SLC5A11: variants seen among roughly 807,000 people sequenced by gnomAD.
The protein encoded by SLC5A11 is sodium/myo-inositol cotransporter 2.
Under a neutral mutation model 69.8 loss-of-function variants are expected in SLC5A11, and 48 were observed. The ratio of observed to expected loss-of-function variants is 0.69; its 90% CI spans 0.55 to 0.87. The LOEUF (loss-of-function observed/expected upper bound fraction) is 0.87, where lower values mean the gene tolerates loss of function less well. Among genes scored for constraint, SLC5A11 ranks in the 40% least tolerant of loss-of-function variants. The probability of loss-of-function intolerance (pLI) is 0.00; values close to 1 mark genes in which losing one functional copy is unlikely to be tolerated. For missense variants in SLC5A11, 784 were observed against 866.1 expected, an observed-to-expected ratio of 0.91 and a Z score of 1.19; for synonymous variants, 319 against 342.4, an observed-to-expected ratio of 0.93 and a Z score of 0.75.
intron 12 of SLC5A11, 142 bp from the exon 14 acceptor site, chr16:24,907,821 G>C (rs2050183947): frequency 5.9e-6 from 6 of 1,016,822 alleles, no homozygotes; most frequent in Non-Finnish European, 8.6e-6. Flanking sequence ...AGGAGTTGGA[G>C]GCTGCAGTGA....
At chr16:24,866,388 C>T (rs527944089) in intron 3 of SLC5A11, among the ~76,000 whole-genome samples, 2 of 151,838 alleles carry the variant, frequency 1.3e-5, no homozygotes, top group African/African-American at 4.8e-5. Flanking sequence ...CACTTGAACT[C>T]AGGAGTTCAA....
intron 10 of SLC5A11, among the ~76,000 whole-genome samples, chr16:24,905,640 G>GCGCGCGCACACA (rs1443035551): frequency 3.8e-4 from 52 of 136,782 alleles, no homozygotes; most frequent in Middle Eastern, 3.5e-3. Flanking sequence ...GCGCGCGCGC[G>GCGCGCGCACACA]CACACACACA....
chr16:24,854,427 AAAGTT>A lies in SLC5A11; in HGVS notation c.-24-4192_-24-4188del, dbSNP rs770736368. Among the ~76,000 whole-genome samples, 113 of 148,728 alleles carry A rather than the reference AAAGTT, an allele frequency of 7.6e-4. 1 individual carries two copies. Among genetic ancestry groups the A allele is most frequent in the African/African-American group, 2.5e-3 (97 of 38,352 alleles). On this transcript the variant is annotated intron_variant, in intron 1 of 15. Transcript: ENST00000347898. ...AGAGCCATCACTCCCCCTGTAAAGT[AAAGTT>A]TTTTTTTTTTTTCCGGAGACAGAGT... is the stretch of plus-strand genomic sequence containing the variant.
At chr16:24,863,919 G>C (rs558325181) in intron 3 of SLC5A11, among the ~76,000 whole-genome samples, 15 of 152,266 alleles carry the variant, frequency 9.9e-5, no homozygotes, top group Admixed American at 9.8e-4. Context: ...CCCGTCACCT[G>C]TTCCCTGGAA....
At chr16:24,899,162 G>C (rs1330387249) in intron 10 of SLC5A11, among the ~76,000 whole-genome samples, 1 of 152,130 alleles carries the variant, frequency 6.6e-6, no homozygotes, top group African/African-American at 2.4e-5. Flanking sequence ...CTCTGTCTAG[G>C]CATCTAGTGA....
chr16:24,849,587 AAAAAAAATATATATAT>A (rs1326097954), intron 1 of SLC5A11, among the ~76,000 whole-genome samples: 1 of 81,876 alleles, frequency 1.2e-5, no homozygotes, highest in Non-Finnish European at 2.7e-5. Flanking sequence ...AAAAAAAAAA[AAAAAAAATATATATAT>A]ATATATATAT....
chr16:24,889,967 T>A (rs539618861), intron 8 of SLC5A11, among the ~76,000 whole-genome samples: 19 of 152,214 alleles, frequency 1.2e-4, no homozygotes, highest in African/African-American at 4.3e-4. Flanking sequence ...TTAGAAGTAT[T>A]CTTCTGAGAA....
intron 11 of SLC5A11, 47 bp downstream of exon 12, chr16:24,906,811 A>C: frequency 1.3e-6 from 2 of 1,536,756 alleles, no homozygotes; most frequent in Non-Finnish European, 1.8e-6. Context: ...GCACCCAGAA[A>C]GGAGATCACC....
intron 5 of SLC5A11, among the ~76,000 whole-genome samples, chr16:24,873,350 G>T (rs1042537971): frequency 6.6e-6 from 1 of 151,990 alleles, no homozygotes; most frequent in African/African-American, 2.4e-5. Flanking sequence ...CACAATGCTG[G>T]CTGGGCACAG....
intron 15 of SLC5A11, 94 bp downstream of exon 16, chr16:24,910,571 G>A (rs2050446204): frequency 3.6e-6 from 5 of 1,377,086 alleles, no homozygotes; most frequent in Non-Finnish European, 4.9e-6. Flanking sequence ...AGCCAGGAAA[G>A]TGGGCAGACT....
chr16:24,872,298 C>T (rs74891299), intron 5 of SLC5A11, 79 bp downstream of exon 6: 26,700 of 1,500,046 alleles, frequency 0.018, 293 homozygotes, highest in Middle Eastern at 0.048. Flanking sequence ...TCCCTCATCC[C>T]GCCATCCCTC....
intron 2 of SLC5A11, among the ~76,000 whole-genome samples, chr16:24,861,299 G>C (rs895984664): frequency 3.3e-5 from 5 of 151,970 alleles, no homozygotes; most frequent in Non-Finnish European, 7.4e-5. Context: ...TGGCAACATA[G>C]TAAGATACCA....
At chr16:24,883,186 A>T (rs887376284) in intron 7 of SLC5A11, among the ~76,000 whole-genome samples, 7 of 152,094 alleles carry the variant, frequency 4.6e-5, no homozygotes, top group Non-Finnish European at 2.9e-5. Flanking sequence ...GCAACATAGC[A>T]AGACTCCATC....
chr16:24,893,933 C>T (rs1399510547), intron 9 of SLC5A11, among the ~76,000 whole-genome samples: 1 of 152,188 alleles, frequency 6.6e-6, no homozygotes, highest in Non-Finnish European at 1.5e-5. Context: ...ATCCTACTCT[C>T]ATCTATTTCT....
chr16:24,861,569 GAGAGAAAGAA>G (rs887065539), intron 2 of SLC5A11, among the ~76,000 whole-genome samples: 5 of 144,874 alleles, frequency 3.5e-5, no homozygotes, highest in African/African-American at 7.6e-5. Context: ...GAAAGAAAGA[GAGAGAAAGAA>G]AGAGAAAGAG....
chr16:24,873,247 G>GAGGAAGGAAGGAGGGA (rs2047436729), intron 5 of SLC5A11, among the ~76,000 whole-genome samples: 1 of 101,412 alleles, frequency 9.9e-6, no homozygotes, highest in Non-Finnish European at 2.0e-5. Flanking sequence ...GAGAGGGAGG[G>GAGGAAGGAAGGAGGGA]AGGAAGGAAG....
Position 24,869,314 on chromosome 16 carries a change from C to T in SLC5A11, c.208-587C>T, listed in dbSNP as rs116128552. Among the ~76,000 whole-genome samples the T allele has an allele frequency of 9.5e-3, 1,449 of 152,178 alleles. 25 individuals carry two copies. Among genetic ancestry groups the T allele is most frequent in the African/African-American group, 0.033 (1,353 of 41,516 alleles). ...TTCAATATCTCCAGTCCAAGGGACC[C>T]GCAGAGACGGTGTCCCCGTTCCAAA... On this transcript the variant is annotated intron_variant, in intron 3 of 15. Coordinates refer to ENST00000347898, the Ensembl canonical transcript of SLC5A11.
At chr16:24,851,520 G>A (rs141439219) in intron 1 of SLC5A11, among the ~76,000 whole-genome samples, 1 of 152,076 alleles carries the variant, frequency 6.6e-6, no homozygotes. Flanking sequence ...ACTACAGTCT[G>A]GGGGACAGAG....
At chr16:24,882,241 C>T (rs1019230236) in intron 7 of SLC5A11, among the ~76,000 whole-genome samples, 1 of 152,146 alleles carries the variant, frequency 6.6e-6, no homozygotes, top group African/African-American at 2.4e-5. Context: ...ACAAAATGAT[C>T]CCCACAGTGC....
Sources: allele counts gnomAD v4.1 joint callset (sites outside exome capture counted in the v4.1 genomes callset), GRCh38; gene constraint gnomAD v4.1.1; transcripts MANE v1.5; gene names NCBI Gene and HGNC (gene_info 2026-07-23, HGNC 2026-07-21).